Variants in CFAP44 observed in about 807,000 individuals in gnomAD.
CFAP44 encodes cilia and flagella associated protein 44.
A neutral mutation model predicts 216.2 loss-of-function variants in CFAP44; 134 were observed. The ratio of observed to expected loss-of-function variants is 0.62; its 90% CI spans 0.54 to 0.72. CFAP44 has a LOEUF of 0.72. Ranked by LOEUF, CFAP44 falls within the 30% of genes least tolerant of loss-of-function variation. The pLI, the probability that CFAP44 is intolerant of heterozygous loss-of-function variation, is 0.00. For missense variants in CFAP44, 2,035 were observed against 2,182.1 expected (o/e 0.93, Z 1.34); for synonymous variants, 700 against 727.6 (o/e 0.96, Z 0.61).
chr3:113,298,231 C>T (rs1047291504), intron 32 of CFAP44, among the ~76,000 whole-genome samples: 1 of 152,226 alleles, frequency 6.6e-6, no homozygotes, highest in Non-Finnish European at 1.5e-5. Context: ...GTGTCCTTCT[C>T]CTATGCTGAA....
Position 113,416,632 on chromosome 3 carries a change from A to G in CFAP44, c.571-5T>C. On this transcript the variant is annotated splice_region_variant and splice_polypyrimidine_tract_variant and intron_variant, in intron 5 of 34. Coordinates refer to ENST00000393845, the MANE Select transcript of CFAP44 (RefSeq NM_001164496.2). The stretch of plus-strand genomic sequence containing the variant: ...ATAAGTTTTATGTGGATGAACCTAC[A>G]AAAGATAAAATTTCACCAAAATATT... The G allele has an allele frequency of 6.3e-7, 1 of 1,587,704 alleles. No individual in the cohort carries two copies. Among genetic ancestry groups the G allele is most frequent in the Non-Finnish European group, 8.6e-7 (1 of 1,164,740 alleles).
chr3:113,427,018 T>C, intron 3 of CFAP44, 169 bp downstream of exon 3: 1 of 659,094 alleles, frequency 1.5e-6, no homozygotes, highest in South Asian at 2.1e-5. Context: ...AAACCACAAG[T>C]CTAGGGCTGC....
At chr3:113,339,946 G>C (rs560686490) in intron 24 of CFAP44, among the ~76,000 whole-genome samples, 1 of 152,206 alleles carries the variant, frequency 6.6e-6, no homozygotes, top group South Asian at 2.1e-4. Context: ...TCTAATCCTT[G>C]TATCTGTCCC....
Position 113,289,558 on chromosome 3 carries a change from C to T in CFAP44, c.*1999G>A, listed in dbSNP as rs544199000. 5 of 152,304 alleles carry T rather than the reference C, an allele frequency of 3.3e-5. No individual in the cohort carries two copies. Among genetic ancestry groups the T allele is most frequent in the Admixed American group, 2.6e-4 (4 of 15,310 alleles). 9.4% of individuals were successfully genotyped at this position (152,304 alleles called of 1,614,324 possible). A position where few individuals can be genotyped will look rare whatever the true frequency, so the allele number is the denominator to read the frequency against. ...CAAGGGGATGGTATCGCCTCAAGAC[C>T]TTTCTCAGAGACCAGCCACTCTCTC... On this transcript the variant is annotated 3_prime_UTR_variant, in exon 35 of 35. Transcript: ENST00000393845.
At chr3:113,393,665 A>G (rs929122359) in intron 15 of CFAP44, among the ~76,000 whole-genome samples, 24 of 151,986 alleles carry the variant, frequency 1.6e-4, no homozygotes, top group African/African-American at 5.8e-4. Flanking sequence ...AGAGGCATGC[A>G]CCACCATACC....
At position 113,330,235 on chromosome 3, in the gene CFAP44, A is replaced by C; in HGVS notation, c.4049T>G (p.Val1350Gly). ...LEFEKAEPTD[V>G]ELEIMKRDEI... ...GTCTCTCTTCATAATTTCCAGCTCC[A>C]CATCCGTTGGCTCTGCTTTTTCAAA... The change falls in exon 26 of 35, where the codon GTG becomes GGG. Residue 1350 changes from valine (V) to glycine (G), a missense_variant. Around this residue, in one of 3 missense-constraint regions of CFAP44, gnomAD observed 1,883 missense variants for 2,023.7 expected, o/e 0.93. Coordinates refer to ENST00000393845, the MANE Select transcript of CFAP44 (RefSeq NM_001164496.2). The C allele has an allele frequency of 6.5e-7, 1 of 1,537,600 alleles. No individual in the cohort carries two copies. Among genetic ancestry groups the C allele is most frequent in the Non-Finnish European group, 8.7e-7 (1 of 1,146,976 alleles).
chr3:113,421,449 A>G (rs909980505), intron 4 of CFAP44, among the ~76,000 whole-genome samples: 11 of 152,218 alleles, frequency 7.2e-5, no homozygotes, highest in African/African-American at 1.9e-4. Flanking sequence ...TGAAAGAACT[A>G]AAAATAGAAC....
chr3:113,411,192 T>G (rs1934457416), intron 6 of CFAP44, among the ~76,000 whole-genome samples: 1 of 152,240 alleles, frequency 6.6e-6, no homozygotes, highest in South Asian at 2.1e-4. Flanking sequence ...GCCATTGCTT[T>G]TGGTGTTTTA....
intron 23 of CFAP44, among the ~76,000 whole-genome samples, chr3:113,344,004 G>A (rs1213338052): frequency 2.0e-5 from 3 of 152,184 alleles, no homozygotes; most frequent in Non-Finnish European, 4.4e-5. Flanking sequence ...GAAGAAACAG[G>A]TTGCAGGGAT....
At chr3:113,418,558 G>C (rs1464741804) in intron 5 of CFAP44, among the ~76,000 whole-genome samples, 3 of 152,226 alleles carry the variant, frequency 2.0e-5, no homozygotes, top group African/African-American at 7.2e-5. Context: ...TTTCAGAAAA[G>C]ATGAGGTAAC....
chr3:113,303,733 G>T (rs918433237), intron 32 of CFAP44, among the ~76,000 whole-genome samples, 183 bp downstream of exon 32: 2 of 152,122 alleles, frequency 1.3e-5, no homozygotes, highest in African/African-American at 4.8e-5. Flanking sequence ...TTTAAAACAG[G>T]AAAGCGAGCT....
chr3:113,338,283 A>C (rs1002864176), intron 24 of CFAP44, among the ~76,000 whole-genome samples: 7 of 133,854 alleles, frequency 5.2e-5, no homozygotes, highest in Non-Finnish European at 9.8e-5. Context: ...AAAAAAAAAA[A>C]AGAACAAACT....
rs140006074 is a variant in CFAP44, at chr3:113,345,590, A to G, written c.3066-878T>C. 5.0e-4 allele frequency among the ~76,000 whole-genome samples: 76 copies of G among 152,324 alleles called. 1 individual carries two copies. In the East Asian group the frequency reaches 0.013, roughly 26 times the overall value. On this transcript the variant is annotated intron_variant, in intron 22 of 34. Coordinates refer to ENST00000393845, the MANE Select transcript of CFAP44 (RefSeq NM_001164496.2). ...TCAGATTCCCCTATTTGCCTCTGTA[A>G]AAAACATTAAGCTCAGGAAATCATA...
At chr3:113,395,016 T>C (rs1933951654) in intron 15 of CFAP44, among the ~76,000 whole-genome samples, 2 of 152,242 alleles carry the variant, frequency 1.3e-5, no homozygotes, top group Admixed American at 6.5e-5. Context: ...ATTTGTTGAC[T>C]AACTTCAAAA....
chr3:113,436,530 T>A (rs1423008673), intron 1 of CFAP44, among the ~76,000 whole-genome samples: 1 of 152,232 alleles, frequency 6.6e-6, no homozygotes, highest in African/African-American at 2.4e-5. Context: ...TAAACTTATC[T>A]TCTAAATCAC....
intron 17 of CFAP44, among the ~76,000 whole-genome samples, chr3:113,376,681 A>T (rs2107331659): frequency 6.6e-6 from 1 of 152,326 alleles, no homozygotes; most frequent in East Asian, 1.9e-4. Flanking sequence ...AGTGATGGAG[A>T]TATCCCAACT....
chr3:113,306,380 G>A (rs1020146609), intron 29 of CFAP44, 49 bp from the exon 30 acceptor site: 12 of 1,519,816 alleles, frequency 7.9e-6, no homozygotes, highest in Middle Eastern at 1.7e-4. Context: ...TATGGAATGT[G>A]GTAGTACTAA....
At chr3:113,372,284 G>A (rs1326613405) in intron 18 of CFAP44, among the ~76,000 whole-genome samples, 2 of 152,212 alleles carry the variant, frequency 1.3e-5, no homozygotes, top group Non-Finnish European at 2.9e-5. Context: ...GCATACGTAT[G>A]TTTATTGCAG....
At chr3:113,303,872 T>C (rs1409743907) in intron 32 of CFAP44, 44 bp downstream of exon 32, 1 of 1,527,968 alleles carries the variant, frequency 6.5e-7, no homozygotes, top group Admixed American at 2.0e-5. Context: ...TTCCCTTTCT[T>C]ACCAATAAAC....
Sources: allele counts gnomAD v4.1 joint callset (sites outside exome capture counted in the v4.1 genomes callset), GRCh38; gene constraint gnomAD v4.1.1; regional missense constraint gnomAD v4.1.1; transcripts MANE v1.5; gene names NCBI Gene and HGNC (gene_info 2026-07-23, HGNC 2026-07-21).